MAOA: variants seen among roughly 807,000 people sequenced by gnomAD.
MAOA encodes the protein amine oxidase [flavin-containing] A.
In MAOA, 6 loss-of-function variants were observed where a neutral mutation model predicts 42.0. That is an observed-to-expected ratio of 0.14 (90% CI 0.08 to 0.28). The LOEUF (loss-of-function observed/expected upper bound fraction) is 0.28. Ranked by LOEUF, MAOA falls within the 10% of genes least tolerant of loss-of-function variation. The pLI, the probability that MAOA is intolerant of heterozygous loss-of-function variation, is 1.00. For missense variants in MAOA, 262 were observed against 422.3 expected, an observed-to-expected ratio of 0.62 and a Z score of 3.33; for synonymous variants, 140 against 154.0, an observed-to-expected ratio of 0.91 and a Z score of 0.67.
intron 1 of MAOA, among the ~76,000 whole-genome samples, chrX:43,670,356 T>C (rs6610837): frequency 1.2e-3 from 136 of 112,010 alleles, no homozygotes; most frequent in African/African-American, 3.7e-3. Context: ...TTGTTTGTTT[T>C]TAAACTGTGA....
chrX:43,727,373 A>G (rs1166499489), intron 5 of MAOA, among the ~76,000 whole-genome samples: 1 of 111,926 alleles, frequency 8.9e-6, no homozygotes, highest in Non-Finnish European at 1.9e-5. Context: ...CCCTGCCCAC[A>G]GAGGTGGAAT....
At chrX:43,718,109 C>A (rs1352352627) in intron 5 of MAOA, among the ~76,000 whole-genome samples, 1 of 106,146 alleles carries the variant, frequency 9.4e-6, no homozygotes. Context: ...AGCCAAATGA[C>A]AGTGGTGGGG....
At chrX:43,692,664 A>T (rs913702679) in intron 2 of MAOA, among the ~76,000 whole-genome samples, 3 of 111,122 alleles carry the variant, frequency 2.7e-5, no homozygotes, top group Non-Finnish European at 5.7e-5. Context: ...ATATTCAATT[A>T]TTGATTAAAT....
At chrX:43,664,083 A>G (rs1020964420) in intron 1 of MAOA, among the ~76,000 whole-genome samples, 14 of 112,517 alleles carry the variant, frequency 1.2e-4, no homozygotes, top group African/African-American at 4.2e-4. Context: ...AGACTTCACG[A>G]AAGTGGTGAA....
intron 3 of MAOA, among the ~76,000 whole-genome samples, chrX:43,701,453 C>T (rs192751782): frequency 1.5e-4 from 17 of 111,954 alleles, no homozygotes; most frequent in Admixed American, 1.0e-3. Flanking sequence ...ATCATCTTCA[C>T]CAATTTTAGG....
chrX:43,721,674 C>A (rs2033789879), intron 5 of MAOA, among the ~76,000 whole-genome samples: 1 of 107,690 alleles, frequency 9.3e-6, no homozygotes, highest in Non-Finnish European at 1.9e-5. Context: ...ATACTTGGAG[C>A]TAACTCATAA....
chrX:43,668,822 C>A (rs1419782313), intron 1 of MAOA, among the ~76,000 whole-genome samples: 3 of 111,910 alleles, frequency 2.7e-5, no homozygotes, highest in Non-Finnish European at 3.8e-5. Context: ...TCCATGTGAA[C>A]TTTAGAATCA....
At chrX:43,697,183 A>G (rs2033586839) in intron 3 of MAOA, among the ~76,000 whole-genome samples, 1 of 112,336 alleles carries the variant, frequency 8.9e-6, no homozygotes, top group African/African-American at 3.2e-5. Flanking sequence ...ATTCAGATTA[A>G]GGTCTTTTGA....
intron 1 of MAOA, 112 bp from the exon 2 acceptor site, chrX:43,683,401 A>G (rs1237154747): frequency 1.7e-5 from 10 of 581,035 alleles, no homozygotes. Context: ...GAAAGACAGC[A>G]AAATCATTGG....
chrX:43,688,017 A>G (rs1372569613), intron 2 of MAOA, among the ~76,000 whole-genome samples: 1 of 112,191 alleles, frequency 8.9e-6, no homozygotes, highest in Non-Finnish European at 1.9e-5. Flanking sequence ...CATCAGTGAG[A>G]GTGAGCCTTT....
chrX:43,678,713 C>T (rs1265713740), intron 1 of MAOA, among the ~76,000 whole-genome samples: 3 of 111,866 alleles, frequency 2.7e-5, no homozygotes, highest in African/African-American at 9.8e-5. Context: ...CCAAGACTTA[C>T]ATCTTAAAGT....
At chrX:43,730,833 A>C (rs1227467184) in intron 6 of MAOA, among the ~76,000 whole-genome samples, 1 of 110,958 alleles carries the variant, frequency 9.0e-6, no homozygotes. Context: ...CTCAGCCCAG[A>C]ACACAGGAAT....
intron 5 of MAOA, among the ~76,000 whole-genome samples, chrX:43,723,283 A>G (rs1190969584): frequency 1.8e-5 from 2 of 111,392 alleles, no homozygotes; most frequent in African/African-American, 6.5e-5. Flanking sequence ...TTTGGGCAGT[A>G]TGGCCATTTT....
intron 1 of MAOA, among the ~76,000 whole-genome samples, chrX:43,681,882 T>TATA (rs1479098954): frequency 1.1e-3 from 86 of 80,929 alleles, no homozygotes; most frequent in African/African-American, 4.5e-3. Flanking sequence ...ATATATATAT[T>TATA]TTTTTTTTTT....
chrX:43,734,132 CTT>C (rs745875170), intron 9 of MAOA, among the ~76,000 whole-genome samples: 1,775 of 62,376 alleles, frequency 0.028, 19 homozygotes, highest in African/African-American at 0.046. Context: ...TTTGGGCTTT[CTT>C]TTTTTTTTTT....
At chrX:43,671,389 G>A (rs1218163589) in intron 1 of MAOA, among the ~76,000 whole-genome samples, 1 of 112,205 alleles carries the variant, frequency 8.9e-6, no homozygotes, top group Non-Finnish European at 1.9e-5. Context: ...CCATTCTGTA[G>A]GTTGCCTGTT....
rs769500683 is a variant in MAOA at position 43,736,432 on chromosome X, C to T, written c.1106+152C>T. ...CAACCTTTTGTATTTTGCTACAGCC[C>T]TCTTGACCTAGCCCTTGCCCGTGTG... On this transcript the variant is annotated intron_variant, in intron 10 of 14. Coordinates refer to ENST00000338702, the MANE Select transcript of MAOA (RefSeq NM_000240.4). 7.8e-6 allele frequency: 3 copies of T among 382,866 alleles called. No homozygotes were observed. The South Asian group carries it at 9.2e-5, about 12-fold the overall frequency. 31.6% of individuals were successfully genotyped at this position (382,866 alleles called of 1,213,427 possible). A position where few individuals can be genotyped will look rare whatever the true frequency, so the allele number is the denominator to read the frequency against.
chrX:43,674,020 T>C (rs2033364429), intron 1 of MAOA, among the ~76,000 whole-genome samples: 1 of 112,807 alleles, frequency 8.9e-6, no homozygotes, highest in Admixed American at 9.3e-5. Context: ...TCTGTCTTGT[T>C]GATCTGTCTA....
intron 3 of MAOA, among the ~76,000 whole-genome samples, chrX:43,702,536 G>T (rs754154441): frequency 8.9e-6 from 1 of 111,896 alleles, no homozygotes; most frequent in African/African-American, 3.2e-5. Context: ...TTTAGTTTTT[G>T]CTTTGTGTTT....
Sources: allele counts gnomAD v4.1 joint callset (sites outside exome capture counted in the v4.1 genomes callset), GRCh38; gene constraint gnomAD v4.1.1; transcripts MANE v1.5; gene names NCBI Gene and HGNC (gene_info 2026-07-23, HGNC 2026-07-21).